DGKH: variants seen among roughly 807,000 people sequenced by gnomAD.
DGKH encodes the protein DAG kinase eta.
Under a neutral mutation model 159.3 loss-of-function variants are expected in DGKH, and 90 were observed. That is an observed-to-expected ratio of 0.57 (90% confidence interval 0.48 to 0.67). The LOEUF is 0.67. Ranked by LOEUF, DGKH falls within the 30% of genes least tolerant of loss-of-function variation. The probability of loss-of-function intolerance (pLI) is 0.00; values close to 1 mark genes in which losing one functional copy is unlikely to be tolerated. For missense variants in DGKH, 1,181 were observed against 1,506.1 expected, an observed-to-expected ratio of 0.78 and a Z score of 3.57; for synonymous variants, 536 against 553.8, an observed-to-expected ratio of 0.97 and a Z score of 0.45.
upstream of DGKH, among the ~76,000 whole-genome samples, chr13:42,045,082 A>T (rs1007647280): frequency 6.6e-6 from 1 of 152,186 alleles, no homozygotes; most frequent in Admixed American, 6.5e-5. Context: ...TCTTGAGGCC[A>T]GGAGTTTGAG....
chr13:42,217,230 T>C (rs1224251607), intron 26 of DGKH, among the ~76,000 whole-genome samples: 3 of 152,210 alleles, frequency 2.0e-5, no homozygotes, highest in Non-Finnish European at 4.4e-5. Context: ...CGAAAATTAA[T>C]AAATTTTAAA....
At chr13:42,195,065 A>C in intron 17 of DGKH, 49 bp downstream of exon 17, 1 of 1,592,044 alleles carries the variant, frequency 6.3e-7, no homozygotes, top group Non-Finnish European at 8.6e-7. Flanking sequence ...TTCTGTGAAA[A>C]GGTGTAAGTA....
At chr13:42,119,878 G>A (rs1955035366) in intron 1 of DGKH, among the ~76,000 whole-genome samples, 1 of 151,466 alleles carries the variant, frequency 6.6e-6, no homozygotes. Flanking sequence ...CTTATTTTTT[G>A]CACATTCTCT....
At chr13:42,060,489 G>A (rs960312508) in intron 1 of DGKH, among the ~76,000 whole-genome samples, 6 of 152,102 alleles carry the variant, frequency 3.9e-5, no homozygotes, top group Non-Finnish European at 8.8e-5. Context: ...GAACATATTT[G>A]TGCAGTCTAC....
chr13:42,189,064 A>G lies in DGKH; in HGVS notation c.1667A>G (p.Gln556Arg), dbSNP rs1956999060. Residue 556 changes from glutamine to arginine, a missense_variant, in exon 15 of 30, where the codon CAA (glutamine) becomes CGA (arginine). Physicochemically the swap from Gln to Arg is conservative, Grantham distance 43 (BLOSUM62 1). Coordinates refer to ENST00000337343, the MANE Select transcript of DGKH (RefSeq NM_178009.5). ...TCAGTCCTAAACGAGAAGCTCGAAC[A>G]ACTGCTGCAGGCTTTGCACACAGAT... ...KCSVLNEKLE[Q>R]LLQALHTDSQ... is the part of the protein sequence containing the mutation. The G allele has an allele frequency of 6.2e-7, 1 of 1,614,254 alleles. No individual in the cohort carries two copies. The highest frequency in any genetic ancestry group is 1.3e-5 in the African/African-American group (1 of 75,076).
chr13:42,138,098 A>G, intron 3 of DGKH: 1 of 985,442 alleles, frequency 1.0e-6, no homozygotes, highest in Non-Finnish European at 1.2e-6. Flanking sequence ...GCCTTCAAGA[A>G]GAGAGTTCTC....
intron 3 of DGKH, among the ~76,000 whole-genome samples, chr13:42,144,222 C>G (rs531067819): frequency 1.5e-4 from 23 of 152,158 alleles, no homozygotes; most frequent in African/African-American, 5.1e-4. Flanking sequence ...AGTTTCTTAA[C>G]TATACCTGTT....
intron 1 of DGKH, among the ~76,000 whole-genome samples, chr13:42,073,633 G>T (rs1226581450): frequency 1.3e-5 from 2 of 152,158 alleles, no homozygotes; most frequent in African/African-American, 4.8e-5. Flanking sequence ...GTGATATTTG[G>T]CAGGTTAGGC....
chr13:42,120,612 A>AATT (rs1197338858), intron 1 of DGKH, among the ~76,000 whole-genome samples: 1 of 152,224 alleles, frequency 6.6e-6, no homozygotes, highest in Non-Finnish European at 1.5e-5. Flanking sequence ...AGTTTAAAAG[A>AATT]ATTATTATTT....
chr13:42,155,295 T>C lies in DGKH; in HGVS notation c.389T>C (p.Ile130Thr). ...AGATTGAATTATCCCTTTCAGATCA[T>C]CACTCCATTCAGAAGGCTAATGCTG... ...TKNANNSFTI[I>T]TPFRRLMLCA... Residue 130 changes from isoleucine to threonine, a missense_variant, in exon 4 of 30, where the codon ATC (isoleucine) becomes ACC (threonine). This residue lies in a region of DGKH where 369 missense variants were observed against 519.4 expected (regional missense o/e 0.71). Coordinates refer to ENST00000337343, the MANE Select transcript of DGKH (RefSeq NM_178009.5). 1.3e-6 allele frequency: 2 copies of C among 1,591,624 alleles called. No homozygotes were observed. Among genetic ancestry groups the C allele is most frequent in the Non-Finnish European group, 1.7e-6 (2 of 1,174,126 alleles).
At chr13:42,069,042 T>TG (rs1190934130) in intron 1 of DGKH, 1 of 1,437,946 alleles carries the variant, frequency 7.0e-7, no homozygotes, top group African/African-American at 1.4e-5. Flanking sequence ...GTGACCCAAC[T>TG]GGACTGTGAA....
In DGKH at chr13:42,162,316, G is replaced by A. The variant is rs142131070; in HGVS notation, c.855+2180G>A. Among the ~76,000 whole-genome samples the A allele has an allele frequency of 3.6e-3, 542 of 152,242 alleles. 9 individuals are homozygous for A. In the East Asian group the frequency reaches 0.047, roughly 13 times the overall value. On this transcript the variant is annotated intron_variant, in intron 7 of 29. Coordinates refer to ENST00000337343, the MANE Select transcript of DGKH (RefSeq NM_178009.5). ...ACCTGAGGTCAGGAGTTCGAGACCA[G>A]CTTGACCAACATGGTGGAACCCCAT...
At chr13:42,081,894 C>G (rs767713543) in intron 1 of DGKH, among the ~76,000 whole-genome samples, 1 of 151,988 alleles carries the variant, frequency 6.6e-6, no homozygotes, top group Non-Finnish European at 1.5e-5. Flanking sequence ...GTCACTGTTC[C>G]CAGGCCCTCT....
chr13:42,054,610 A>T (rs1881614076), intron 1 of DGKH, among the ~76,000 whole-genome samples: 1 of 152,226 alleles, frequency 6.6e-6, no homozygotes, highest in African/African-American at 2.4e-5. Flanking sequence ...GGAGAACTGG[A>T]TAACTCCAGA....
Position 42,230,848 on chromosome 13 carries a change from C to T in DGKH, c.*1660C>T, listed in dbSNP as rs1958272898. On this transcript the variant is annotated 3_prime_UTR_variant, in exon 30 of 30. Coordinates refer to ENST00000337343, the MANE Select transcript of DGKH (RefSeq NM_178009.5). ...GCATTTAAAATGAACTATTGTCAGGCATATTATTTAATTACATCAAAGGAG... is the reference window on the plus strand; with the variant it reads ...GCATTTAAAATGAACTATTGTCAGGTATATTATTTAATTACATCAAAGGAG... 3 of 152,184 alleles carry T rather than the reference C, an allele frequency of 2.0e-5. No homozygotes were observed. The highest frequency in any genetic ancestry group is 2.9e-5 in the Non-Finnish European group (2 of 67,998). 9.4% of individuals were successfully genotyped at this position (152,184 alleles called of 1,614,324 possible).
At chr13:42,051,646 C>CTTTT (rs56413015) in intron 1 of DGKH, among the ~76,000 whole-genome samples, 3 of 50,130 alleles carry the variant, frequency 6.0e-5, no homozygotes, top group Admixed American at 7.4e-4. Context: ...TCAAAGCCAT[C>CTTTT]TTTTTTTTTT....
chr13:42,143,275 T>G (rs1955620966), intron 3 of DGKH, among the ~76,000 whole-genome samples: 1 of 152,212 alleles, frequency 6.6e-6, no homozygotes, highest in Non-Finnish European at 1.5e-5. Context: ...ATAAGCTTTT[T>G]GATGTGCTGC....
At chr13:42,246,677 C>G (rs868474924), downstream of DGKH, among the ~76,000 whole-genome samples, 2 of 152,152 alleles carry the variant, frequency 1.3e-5, no homozygotes, top group East Asian at 3.9e-4. Context: ...AAAGGCAGCA[C>G]AAGAATACAG....
At chr13:42,117,489 G>A (rs910407071) in intron 1 of DGKH, among the ~76,000 whole-genome samples, 6 of 152,268 alleles carry the variant, frequency 3.9e-5, no homozygotes, top group Admixed American at 6.5e-5. Flanking sequence ...TAACTTTCAC[G>A]TGAATAACTG....
Sources: gnomAD v4.1 joint callset for allele counts (sites outside exome capture counted in the v4.1 genomes callset) on GRCh38, gnomAD v4.1.1 for gene constraint, gnomAD v4.1.1 regional missense constraint, MANE v1.5 for transcripts, NCBI Gene and HGNC (gene_info 2026-07-23, HGNC 2026-07-21) for gene names.